Variants in FN3KRP observed in about 807,000 individuals in gnomAD.
FN3KRP encodes fructosamine 3 kinase related protein.
FN3KRP carries 33 observed loss-of-function variants against 29.8 expected under a neutral mutation model. The ratio of observed to expected loss-of-function variants is 1.11; its 90% CI spans 0.84 to 1.48. The LOEUF (loss-of-function observed/expected upper bound fraction) is 1.48. Ranked by LOEUF, FN3KRP falls within the 40% of genes most tolerant of loss-of-function variation. FN3KRP has a pLI of 0.00. For missense variants in FN3KRP, 430 were observed against 402.6 expected, an observed-to-expected ratio of 1.07 and a Z score of -0.58; for synonymous variants, 157 against 155.2, an observed-to-expected ratio of 1.01 and a Z score of -0.09.
In FN3KRP at chr17:82,726,978, T is replaced by G. The variant is rs13955; in HGVS notation, c.737T>G (p.Leu246Arg). The change falls in exon 6 of 6, where the codon CTG becomes CGG. Residue 246 changes from leucine (L) to arginine (R), a missense_variant. Leu to Arg is a moderately radical substitution (Grantham distance 102, BLOSUM62 -2). Coordinates refer to ENST00000269373, the MANE Select transcript of FN3KRP (RefSeq NM_024619.4). The part of the protein sequence containing the change: ...ASFYGHSEYE[L>R]AIAGMFGGFS... Reference sequence around the variant, plus strand: ...TTCTACGGCCACTCGGAATATGAGCTGGCAATAGCTGGCATGTTTGGGGGC... The same window carrying G: ...TTCTACGGCCACTCGGAATATGAGCGGGCAATAGCTGGCATGTTTGGGGGC... The G allele has an allele frequency of 6.2e-7, 1 of 1,614,120 alleles. No individual in the cohort carries two copies. The highest frequency in any genetic ancestry group is 1.1e-5 in the South Asian group (1 of 91,080).
chr17:82,723,261 G>C (rs1484230305), intron 4 of FN3KRP, among the ~76,000 whole-genome samples: 1 of 152,176 alleles, frequency 6.6e-6, no homozygotes, highest in Non-Finnish European at 1.5e-5. Context: ...TTGACGCCCA[G>C]CACATGTGCA....
intron 4 of FN3KRP, 113 bp from the exon 5 acceptor site, chr17:82,726,367 C>T (rs1406741242): frequency 7.3e-6 from 10 of 1,375,078 alleles, no homozygotes; most frequent in African/African-American, 1.4e-5. Flanking sequence ...ACTGCCACCC[C>T]TCCCACGTGC....
intron 1 of FN3KRP, 115 bp downstream of exon 1, chr17:82,717,011 C>A: frequency 7.9e-7 from 1 of 1,268,292 alleles, no homozygotes; most frequent in Non-Finnish European, 1.1e-6. Context: ...GTGGCTCTCC[C>A]GGGACTGCCG....
intron 2 of FN3KRP, among the ~76,000 whole-genome samples, chr17:82,719,918 A>T (rs946386292): frequency 6.6e-6 from 1 of 152,208 alleles, no homozygotes; most frequent in Non-Finnish European, 1.5e-5. Flanking sequence ...TAATCCCGGC[A>T]CTTTGGGAGG....
intron 1 of FN3KRP, 95 bp downstream of exon 1, chr17:82,716,991 G>C (rs1416663574): frequency 1.4e-6 from 2 of 1,437,390 alleles, no homozygotes; most frequent in South Asian, 2.7e-5. Context: ...TCTCCCGCCG[G>C]AGGCCGTGGG....
intron 4 of FN3KRP, among the ~76,000 whole-genome samples, chr17:82,725,861 C>T (rs2046833046): frequency 6.6e-6 from 1 of 152,138 alleles, no homozygotes; most frequent in South Asian, 2.1e-4. Flanking sequence ...TTGTCAGCTG[C>T]TACAAAACAA....
At chr17:82,722,717 A>G in intron 3 of FN3KRP, 87 bp from the exon 4 acceptor site, 1 of 1,318,634 alleles carries the variant, frequency 7.6e-7, no homozygotes, top group South Asian at 1.3e-5. Flanking sequence ...GAGCTCGCTG[A>G]GGTCGTGTCT....
At chr17:82,724,252 C>T (rs1022992573) in intron 4 of FN3KRP, among the ~76,000 whole-genome samples, 36 of 152,166 alleles carry the variant, frequency 2.4e-4, no homozygotes, top group African/African-American at 7.7e-4. Context: ...TGTGATTGCA[C>T]CACTGCACTC....
At chr17:82,724,476 C>T (rs2046823071) in intron 4 of FN3KRP, among the ~76,000 whole-genome samples, 2 of 151,906 alleles carry the variant, frequency 1.3e-5, no homozygotes, top group South Asian at 2.1e-4. Context: ...TGGTGGTGCG[C>T]ACCTGTAATC....
At chr17:82,723,518 T>C (rs987397739) in intron 4 of FN3KRP, among the ~76,000 whole-genome samples, 1 of 152,098 alleles carries the variant, frequency 6.6e-6, no homozygotes, top group Non-Finnish European at 1.5e-5. Flanking sequence ...CATGTGTGTG[T>C]GTGCATATGT....
chr17:82,719,002 C>G lies in FN3KRP; in HGVS notation c.238C>G (p.Pro80Ala). 3 of 1,614,176 alleles carry G rather than the reference C, an allele frequency of 1.9e-6. No individual in the cohort carries two copies. The highest frequency in any genetic ancestry group is 2.5e-6 in the Non-Finnish European group (3 of 1,180,024). The change falls in exon 2 of 6, where the codon CCA becomes GCA. Residue 80 changes from proline (P) to alanine (A), a missense_variant. Pro to Ala is a conservative substitution (Grantham distance 27, BLOSUM62 -1). Transcript: ENST00000269373. ...VPKPIKVLDAPGGGSVLVMEH... is the reference protein window; with the variant it reads ...VPKPIKVLDAAGGGSVLVMEH... ...CAAGCCCATCAAGGTTCTGGATGCC[C>G]CAGGCGGCGGGAGCGTGCTGGTGAT...
intron 1 of FN3KRP, 104 bp downstream of exon 1, chr17:82,717,000 G>A (rs1422381205): frequency 2.2e-6 from 3 of 1,390,260 alleles, no homozygotes; most frequent in Non-Finnish European, 9.6e-7. Context: ...GGAGGCCGTG[G>A]GTGGCTCTCC....
At chr17:82,722,181 C>T (rs1482625861) in intron 3 of FN3KRP, among the ~76,000 whole-genome samples, 2 of 151,950 alleles carry the variant, frequency 1.3e-5, no homozygotes, top group Admixed American at 6.6e-5. Flanking sequence ...GTTGCCCAGG[C>T]TGGAGTGCAA....
intron 3 of FN3KRP, among the ~76,000 whole-genome samples, chr17:82,722,447 T>C (rs916494239): frequency 2.6e-5 from 4 of 152,230 alleles, no homozygotes; most frequent in Admixed American, 2.6e-4. Flanking sequence ...TGACACAGTG[T>C]GGTCTTCCCC....
At position 82,726,616 on chromosome 17, in the gene FN3KRP, C is replaced by T. The variant is rs779160584; in HGVS notation, c.591+14C>T. The T allele has an allele frequency of 6.6e-5, 106 of 1,605,772 alleles. 2 individuals carry two copies. In the South Asian group the frequency reaches 1.2e-3, roughly 18 times the overall value. On this transcript the variant is annotated intron_variant, in intron 5 of 5. Coordinates refer to ENST00000269373, the MANE Select transcript of FN3KRP (RefSeq NM_024619.4). Reference sequence around the variant, plus strand: ...TCTGCTCTGCAGGTGAGTGGGGCCCCACTGCATGCCCAGCACCTGCCACAC... The same window carrying T: ...TCTGCTCTGCAGGTGAGTGGGGCCCTACTGCATGCCCAGCACCTGCCACAC...
At chr17:82,722,279 C>T (rs1899568993) in intron 3 of FN3KRP, among the ~76,000 whole-genome samples, 2 of 152,138 alleles carry the variant, frequency 1.3e-5, no homozygotes, top group Non-Finnish European at 2.9e-5. Context: ...GGATTATAGG[C>T]GCCTGCCACC....
intron 4 of FN3KRP, among the ~76,000 whole-genome samples, chr17:82,724,393 G>T (rs749744934): frequency 2.6e-5 from 4 of 151,788 alleles, no homozygotes; most frequent in Non-Finnish European, 5.9e-5. Flanking sequence ...ATCACGTGAG[G>T]TAGAGTTTGA....
chr17:82,725,563 C>T (rs984565339), intron 4 of FN3KRP, among the ~76,000 whole-genome samples: 13 of 152,250 alleles, frequency 8.5e-5, no homozygotes, highest in Admixed American at 6.5e-4. Context: ...AGTTCTCCTG[C>T]CTCAGCCTCC....
At chr17:82,719,148 C>A (rs966992446) in intron 2 of FN3KRP, 91 bp downstream of exon 2, 5 of 1,225,130 alleles carry the variant, frequency 4.1e-6, no homozygotes, top group African/African-American at 3.0e-5. Flanking sequence ...TCACACCACC[C>A]ACTGGCTGGC....
Sources: allele counts gnomAD v4.1 joint callset (sites outside exome capture counted in the v4.1 genomes callset), GRCh38; gene constraint gnomAD v4.1.1; transcripts MANE v1.5; gene names NCBI Gene and HGNC (gene_info 2026-07-23, HGNC 2026-07-21).